MACROD2: variants seen among roughly 807,000 people sequenced by gnomAD.
The protein encoded by MACROD2 is ADP-ribose glycohydrolase MACROD2.
MACROD2 carries 36 observed loss-of-function variants against 70.4 expected under a neutral mutation model. The observed-to-expected ratio is 0.51, with a 90% CI of 0.39 to 0.68. MACROD2 has a LOEUF of 0.68. MACROD2 is among the 30% of genes least tolerant of loss of function. The pLI is 0.00. For missense variants in MACROD2, 496 were observed against 538.4 expected, an observed-to-expected ratio of 0.92 and a Z score of 0.78; for synonymous variants, 172 against 178.8, an observed-to-expected ratio of 0.96 and a Z score of 0.30.
At chr20:15,201,077 C>T (rs570447207) in intron 5 of MACROD2, among the ~76,000 whole-genome samples, 1 of 152,158 alleles carries the variant, frequency 6.6e-6, no homozygotes, top group East Asian at 1.9e-4. Context: ...TGCTGATCTG[C>T]AAACCATAAT....
At chr20:15,816,930 G>A (rs2063882593) in intron 8 of MACROD2, among the ~76,000 whole-genome samples, 1 of 152,198 alleles carries the variant, frequency 6.6e-6, no homozygotes, top group South Asian at 2.1e-4. Context: ...TGGCTTAAAT[G>A]AGGTGCCATG....
In MACROD2 at chr20:15,280,451, T is replaced by C. The variant is rs148941434; in HGVS notation, c.540+50390T>C. Among the ~76,000 whole-genome samples the C allele has an allele frequency of 2.2e-3, 331 of 152,360 alleles. 2 individuals are homozygous for C. Among genetic ancestry groups the C allele is most frequent in the African/African-American group, 7.2e-3 (301 of 41,586 alleles). On this transcript the variant is annotated intron_variant, in intron 6 of 17. Coordinates refer to ENST00000684519, the MANE Select transcript of MACROD2 (RefSeq NM_001351661.2). The stretch of plus-strand genomic sequence containing the variant: ...GATTTTTTATTTATTTCCCTTTTTC[T>C]GTAATTTTAATACCACAAATCTTTT...
At chr20:15,586,039 A>G (rs2048596073) in intron 8 of MACROD2, among the ~76,000 whole-genome samples, 1 of 152,198 alleles carries the variant, frequency 6.6e-6, no homozygotes, top group African/African-American at 2.4e-5. Context: ...GCACCCTCCT[A>G]GCCACCCTCC....
At position 15,554,972 on chromosome 20, in the gene MACROD2, C is replaced by A. The variant is rs80156772; in HGVS notation, c.645+55125C>A. 2.8e-3 allele frequency among the ~76,000 whole-genome samples: 423 copies of A among 152,328 alleles called. 10 individuals are homozygous for A. The East Asian group carries it at 0.054, about 19-fold the overall frequency. On this transcript the variant is annotated intron_variant, in intron 8 of 17. Transcript: ENST00000684519. Reference sequence around the variant, plus strand: ...AATCTTTAAGGGAGAGAAACCCCTGCTTCTTGCAGCATTGCAACTAAAATG... The same window carrying A: ...AATCTTTAAGGGAGAGAAACCCCTGATTCTTGCAGCATTGCAACTAAAATG...
chr20:15,255,670 T>C (rs1311208541), intron 6 of MACROD2, among the ~76,000 whole-genome samples: 1 of 152,138 alleles, frequency 6.6e-6, no homozygotes, highest in Non-Finnish European at 1.5e-5. Flanking sequence ...ATAAGCAAGC[T>C]CTTTCAGTTG....
At chr20:14,202,236 G>T (rs2081485811) in intron 3 of MACROD2, among the ~76,000 whole-genome samples, 1 of 152,218 alleles carries the variant, frequency 6.6e-6, no homozygotes, top group Middle Eastern at 3.4e-3. Flanking sequence ...CAAAGTGATT[G>T]TATTTAAAAT....
intron 5 of MACROD2, among the ~76,000 whole-genome samples, chr20:15,149,214 C>T (rs1482677001): frequency 6.6e-6 from 1 of 151,992 alleles, no homozygotes; most frequent in Non-Finnish European, 1.5e-5. Flanking sequence ...AGTAGAATAG[C>T]AGATGGAACA....
At chr20:15,961,475 A>G (rs1403727872) in intron 12 of MACROD2, among the ~76,000 whole-genome samples, 1 of 152,190 alleles carries the variant, frequency 6.6e-6, no homozygotes, top group African/African-American at 2.4e-5. Context: ...ACACTTTCCA[A>G]GTGTCTGGCT....
At chr20:15,488,211 C>T (rs2146467628) in intron 7 of MACROD2, among the ~76,000 whole-genome samples, 1 of 152,278 alleles carries the variant, frequency 6.6e-6, no homozygotes, top group South Asian at 2.1e-4. Flanking sequence ...CCAGCAGAAA[C>T]TCCAGAGAGC....
chr20:14,535,465 A>T (rs2085352047), intron 4 of MACROD2, among the ~76,000 whole-genome samples: 1 of 137,460 alleles, frequency 7.3e-6, no homozygotes, highest in Non-Finnish European at 1.5e-5. Context: ...AGATGGCGCC[A>T]TTGTACTCCA....
intron 13 of MACROD2, among the ~76,000 whole-genome samples, chr20:15,983,205 A>G (rs2066427493): frequency 6.6e-6 from 1 of 152,230 alleles, no homozygotes; most frequent in African/African-American, 2.4e-5. Context: ...CAAGCTTTAA[A>G]TTGATCTGGT....
At chr20:15,644,875 A>G (rs1316598545) in intron 8 of MACROD2, among the ~76,000 whole-genome samples, 2 of 152,094 alleles carry the variant, frequency 1.3e-5, no homozygotes, top group Non-Finnish European at 2.9e-5. Flanking sequence ...TTTTTAGTAG[A>G]GACGGAGTTT....
chr20:14,188,962 A>G (rs940301588), intron 3 of MACROD2, among the ~76,000 whole-genome samples: 5 of 152,070 alleles, frequency 3.3e-5, no homozygotes, highest in Admixed American at 1.3e-4. Flanking sequence ...ATTCTATTTC[A>G]CTTAATGCAG....
intron 8 of MACROD2, among the ~76,000 whole-genome samples, chr20:15,712,829 C>G (rs924159303): frequency 3.3e-5 from 5 of 152,170 alleles, no homozygotes; most frequent in African/African-American, 1.2e-4. Flanking sequence ...GGTCCTGGTC[C>G]AATCATTTAA....
At chr20:14,799,397 GT>G (rs2072547473) in intron 5 of MACROD2, among the ~76,000 whole-genome samples, 1 of 152,070 alleles carries the variant, frequency 6.6e-6, no homozygotes, top group African/African-American at 2.4e-5. Context: ...CAATTGGATA[GT>G]TTATGCAAAT....
chr20:15,345,518 C>T (rs1600270172), intron 6 of MACROD2, among the ~76,000 whole-genome samples: 2 of 152,072 alleles, frequency 1.3e-5, no homozygotes, highest in African/African-American at 4.8e-5. Flanking sequence ...AAATCTGTGC[C>T]CTTTGACATT....
rs145059232 is a variant in MACROD2, at chr20:14,055,869, T to C, written c.164-29752T>C. Among the ~76,000 whole-genome samples the C allele has an allele frequency of 4.8e-3, 724 of 152,218 alleles. 11 individuals carry two copies. Among genetic ancestry groups the C allele is most frequent in the African/African-American group, 0.017 (701 of 41,530 alleles). Reference sequence around the variant, plus strand: ...AGGTATCATGTTTGGCTTGTACATATTTGTATCTGGTATTTAGCAGAGGCC... The same window carrying C: ...AGGTATCATGTTTGGCTTGTACATACTTGTATCTGGTATTTAGCAGAGGCC... On this transcript the variant is annotated intron_variant, in intron 2 of 17. Transcript: ENST00000684519.
At chr20:15,792,949 C>T (rs1007558846) in intron 8 of MACROD2, among the ~76,000 whole-genome samples, 4 of 152,108 alleles carry the variant, frequency 2.6e-5, no homozygotes, top group African/African-American at 9.7e-5. Flanking sequence ...GTATATGGCA[C>T]AACTGCTGAA....
chr20:15,414,997 T>C (rs2046127055), intron 6 of MACROD2, among the ~76,000 whole-genome samples: 1 of 152,170 alleles, frequency 6.6e-6, no homozygotes, highest in Non-Finnish European at 1.5e-5. Flanking sequence ...GAACTCCCTG[T>C]ACCTGGAGAA....
Sources: allele counts gnomAD v4.1 joint callset (sites outside exome capture counted in the v4.1 genomes callset), GRCh38; gene constraint gnomAD v4.1.1; transcripts MANE v1.5; gene names NCBI Gene and HGNC (gene_info 2026-07-23, HGNC 2026-07-21).